HCLS1: variants seen among roughly 807,000 people sequenced by gnomAD.
HCLS1 encodes hematopoietic cell-specific Lyn substrate 1.
HCLS1 carries 44 observed loss-of-function variants against 68.6 expected under a neutral mutation model. That is an observed-to-expected ratio of 0.64 (90% CI 0.50 to 0.82). The LOEUF is 0.82. Ranked by LOEUF, HCLS1 falls within the 40% of genes least tolerant of loss-of-function variation. The probability of loss-of-function intolerance (pLI) is 0.00; values close to 1 mark genes in which losing one functional copy is unlikely to be tolerated. For missense variants in HCLS1, 602 were observed against 612.1 expected (o/e 0.98, Z 0.17); for synonymous variants, 217 against 225.8 (o/e 0.96, Z 0.35).
chr3:121,646,940 A>G (rs1450385904), intron 4 of HCLS1, among the ~76,000 whole-genome samples: 1 of 145,928 alleles, frequency 6.9e-6, no homozygotes, highest in Non-Finnish European at 1.5e-5. Context: ...AAAATATATA[A>G]GTATATATAT....
rs759661285 is a variant in HCLS1 at position 121,644,804 on chromosome 3, G to T, written c.399+14C>A. 1 of 1,568,192 alleles carries T rather than the reference G, an allele frequency of 6.4e-7. No homozygotes were observed. Among genetic ancestry groups the T allele is most frequent in the Admixed American group, 1.7e-5 (1 of 59,956 alleles). ...ACTGGAGGTGGGTGGTTGGGAGAGA[G>T]AGTGGTCACTTACCTTGTCTGCCCT... On this transcript the variant is annotated intron_variant, in intron 5 of 13. Coordinates refer to ENST00000314583, the MANE Select transcript of HCLS1 (RefSeq NM_005335.6).
intron 6 of HCLS1, among the ~76,000 whole-genome samples, chr3:121,639,467 C>A (rs1310891050): frequency 6.6e-6 from 1 of 152,168 alleles, no homozygotes; most frequent in Admixed American, 6.5e-5. Context: ...TTAAATAATA[C>A]ATGTGTCAAA....
rs1445428730 is a variant in HCLS1 at position 121,644,826 on chromosome 3, C to T, written c.391G>A (p.Ala131Thr). The part of the protein sequence containing the change: ...GGKYGVERDR[A>T]DKSAVGFDYK... Reference sequence around the variant, plus strand: ...AGAGAGTGGTCACTTACCTTGTCTGCCCTGTCCCTCTCAACTCCGTACTTG... The same window carrying T: ...AGAGAGTGGTCACTTACCTTGTCTGTCCTGTCCCTCTCAACTCCGTACTTG... Residue 131 changes from alanine to threonine, a missense_variant, in exon 5 of 14, where the codon GCA becomes ACA. By Grantham distance (58) the Ala-to-Thr change is moderately conservative (BLOSUM62 0). Coordinates refer to ENST00000314583, the MANE Select transcript of HCLS1 (RefSeq NM_005335.6). 6.2e-7 allele frequency: 1 copy of T among 1,611,046 alleles called. No individual in the cohort carries two copies. Among genetic ancestry groups the T allele is most frequent in the Middle Eastern group, 1.7e-4 (1 of 6,052 alleles).
Position 121,637,110 on chromosome 3 carries a change from C to A in HCLS1, c.565+36G>T, listed in dbSNP as rs781535516. ...GAAAGGAAGGAAGGAGATCCCTGTG[C>A]TATCTGTGACCTTCCCCCTTCCAAC... is the stretch of plus-strand genomic sequence containing the variant. On this transcript the variant is annotated intron_variant, in intron 7 of 13. Coordinates refer to ENST00000314583, the MANE Select transcript of HCLS1 (RefSeq NM_005335.6). The A allele has an allele frequency of 9.5e-5, 131 of 1,374,570 alleles. 1 individual carries two copies. The Admixed American group carries it at 2.2e-3, about 23-fold the overall frequency. 85.1% of individuals were successfully genotyped at this position (1,374,570 alleles called of 1,614,324 possible).
At chr3:121,641,039 A>T (rs1390938989) in intron 6 of HCLS1, among the ~76,000 whole-genome samples, 1 of 152,140 alleles carries the variant, frequency 6.6e-6, no homozygotes, top group Non-Finnish European at 1.5e-5. Context: ...AAGAGAGAAG[A>T]GGTATTATTC....
At chr3:121,640,249 A>C (rs1056936780) in intron 6 of HCLS1, among the ~76,000 whole-genome samples, 29 of 152,268 alleles carry the variant, frequency 1.9e-4, no homozygotes, top group African/African-American at 7.0e-4. Context: ...AAAAAATAAT[A>C]ATAAAGGAAA....
At chr3:121,638,774 T>C (rs62268728) in intron 6 of HCLS1, among the ~76,000 whole-genome samples, 2,214 of 152,304 alleles carry the variant, frequency 0.015, 24 homozygotes, top group Non-Finnish European at 0.023. Flanking sequence ...AAGTGCATTC[T>C]AAGAGACAAG....
At chr3:121,635,004 C>A (rs1001985802) in intron 9 of HCLS1, among the ~76,000 whole-genome samples, 7 of 152,030 alleles carry the variant, frequency 4.6e-5, no homozygotes, top group Admixed American at 6.6e-5. Context: ...TTCCATAAAT[C>A]TGTATGCCTT....
chr3:121,647,467 C>T lies in HCLS1; in HGVS notation c.159-19G>A. 6.2e-7 allele frequency: 1 copy of T among 1,613,762 alleles called. No homozygotes were observed. The highest frequency in any genetic ancestry group is 8.5e-7 in the Non-Finnish European group (1 of 1,179,828). Reference sequence around the variant, plus strand: ...GTGGATGCTGGAAGAAACCACATGACCAAGGCTCATCTATCCTAGGGAGAT... The same window carrying T: ...GTGGATGCTGGAAGAAACCACATGATCAAGGCTCATCTATCCTAGGGAGAT... On this transcript the variant is annotated intron_variant, in intron 3 of 13. Coordinates refer to ENST00000314583, the MANE Select transcript of HCLS1 (RefSeq NM_005335.6).
At chr3:121,642,634 G>A (rs1332484818) in intron 6 of HCLS1, among the ~76,000 whole-genome samples, 1 of 152,090 alleles carries the variant, frequency 6.6e-6, no homozygotes, top group Non-Finnish European at 1.5e-5. Context: ...AAATTAGCCA[G>A]GCATGGTGGT....
Position 121,633,250 on chromosome 3 carries a change from C to T in HCLS1, c.904-79G>A. 3 of 920,576 alleles carry T rather than the reference C, an allele frequency of 3.3e-6. No individual in the cohort carries two copies. The South Asian group carries it at 4.7e-5, about 14-fold the overall frequency. 57.0% of individuals were successfully genotyped at this position (920,576 alleles called of 1,614,324 possible). On this transcript the variant is annotated intron_variant, in intron 10 of 13. Transcript: ENST00000314583. ...TTTTTTTTTGAGATAGACTCTCGCT[C>T]TGTAGCCCAGGCTGGAGTGCAGTGG...
chr3:121,634,745 C>T (rs1331211860), intron 9 of HCLS1, among the ~76,000 whole-genome samples: 2 of 152,106 alleles, frequency 1.3e-5, no homozygotes, highest in Middle Eastern at 3.2e-3. Context: ...AATCCTCCTA[C>T]CTCAGCCTCT....
chr3:121,649,370 G>A (rs1007335822), intron 3 of HCLS1, among the ~76,000 whole-genome samples: 8 of 152,082 alleles, frequency 5.3e-5, no homozygotes, highest in Non-Finnish European at 8.8e-5. Context: ...AGAGTAGCTG[G>A]GATTACAGGC....
chr3:121,659,321 C>A (rs924635825), intron 1 of HCLS1, among the ~76,000 whole-genome samples: 5 of 152,096 alleles, frequency 3.3e-5, no homozygotes, highest in Admixed American at 1.3e-4. Context: ...TAACAACAGA[C>A]AATGCTCATC....
intron 3 of HCLS1, among the ~76,000 whole-genome samples, chr3:121,649,523 C>T (rs1044164424): frequency 6.6e-6 from 1 of 152,198 alleles, no homozygotes; most frequent in African/African-American, 2.4e-5. Flanking sequence ...GCGTGAGCCA[C>T]CACGCCTGGC....
chr3:121,642,832 G>T, intron 6 of HCLS1, 95 bp downstream of exon 6: 2 of 983,162 alleles, frequency 2.0e-6, no homozygotes, highest in East Asian at 2.4e-5. Context: ...GGTCATGGAA[G>T]TTAAAAAGCT....
At chr3:121,635,041 T>C (rs6438645) in intron 9 of HCLS1, among the ~76,000 whole-genome samples, 105,727 of 151,668 alleles carry the variant, frequency 0.7, 37,581 homozygotes, top group East Asian at 0.85. Flanking sequence ...ATCCTCAACC[T>C]CATCCGAAAC....
chr3:121,653,462 C>G (rs1427000856), intron 3 of HCLS1: 1 of 152,176 alleles, frequency 6.6e-6, no homozygotes, highest in African/African-American at 2.4e-5. Context: ...AAAAAGTACT[C>G]TGTGTTTTGC....
At chr3:121,646,414 A>T (rs181062543) in intron 4 of HCLS1, among the ~76,000 whole-genome samples, 1,298 of 95,432 alleles carry the variant, frequency 0.014, 24 homozygotes, top group African/African-American at 0.051. Context: ...TTACATAGTA[A>T]TAATATGTAA....
Sources: allele counts gnomAD v4.1 joint callset (sites outside exome capture counted in the v4.1 genomes callset), GRCh38; gene constraint gnomAD v4.1.1; transcripts MANE v1.5; gene names NCBI Gene and HGNC (gene_info 2026-07-23, HGNC 2026-07-21).